CYP3A4: variants seen among roughly 807,000 people sequenced by gnomAD.
CYP3A4 encodes the protein cytochrome P450 3A4.
Under a neutral mutation model 54.9 loss-of-function variants are expected in CYP3A4, and 41 were observed. That is an observed-to-expected ratio of 0.75 (90% CI 0.58 to 0.97). CYP3A4 has a LOEUF of 0.97. Ranked by LOEUF, CYP3A4 falls within the 50% of genes least tolerant of loss-of-function variation. The probability of loss-of-function intolerance (pLI) is 0.00; values close to 1 mark genes in which losing one functional copy is unlikely to be tolerated. For missense variants in CYP3A4, 510 were observed against 597.3 expected (o/e 0.85, Z 1.52); for synonymous variants, 179 against 205.2 (o/e 0.87, Z 1.09).
intron 9 of CYP3A4, among the ~76,000 whole-genome samples, chr7:99,765,198 G>T (rs1815443633): frequency 6.6e-6 from 1 of 152,114 alleles, no homozygotes; most frequent in African/African-American, 2.4e-5. Context: ...CAATATGGTA[G>T]CCACTACCCA....
At chr7:99,768,185 A>G (rs550066305) in intron 7 of CYP3A4, among the ~76,000 whole-genome samples, 169 bp downstream of exon 7, 18 of 152,328 alleles carry the variant, frequency 1.2e-4, no homozygotes, top group South Asian at 8.3e-4. Flanking sequence ...TAGATTGACA[A>G]AAAAAGTTTT....
At chr7:99,776,791 T>G (rs1681361055) in intron 3 of CYP3A4, among the ~76,000 whole-genome samples, 1 of 152,154 alleles carries the variant, frequency 6.6e-6, no homozygotes, top group Admixed American at 6.6e-5. Flanking sequence ...TGTATACCTA[T>G]GTAACAAAAC....
intron 1 of CYP3A4, among the ~76,000 whole-genome samples, chr7:99,783,525 C>A (rs1815979111): frequency 6.6e-6 from 1 of 151,726 alleles, no homozygotes; most frequent in African/African-American, 2.4e-5. Context: ...CTTATTTATT[C>A]CTTTATAGAG....
At chr7:99,763,572 T>C (rs532729232) in intron 10 of CYP3A4, among the ~76,000 whole-genome samples, 1 of 152,318 alleles carries the variant, frequency 6.6e-6, no homozygotes, top group East Asian at 1.9e-4. Flanking sequence ...CAAATGCTTA[T>C]TGTTAGATGC....
chr7:99,768,524 A>G (rs984179452), intron 6 of CYP3A4, 22 bp from the exon 7 acceptor site: 26 of 1,613,172 alleles, frequency 1.6e-5, no homozygotes, highest in Non-Finnish European at 2.0e-5. Flanking sequence ...AAGATGTGGA[A>G]AATTAAAATC....
Position 99,766,366 on chromosome 7 carries a change from A to C in CYP3A4, c.865+11T>G. 6.2e-7 allele frequency: 1 copy of C among 1,613,266 alleles called. No individual in the cohort carries two copies. The highest frequency in any genetic ancestry group is 8.5e-7 in the Non-Finnish European group (1 of 1,179,538). On this transcript the variant is annotated intron_variant, in intron 9 of 12. Transcript: ENST00000651514. ...TGCCCCACAAGTAGCCCTCAGAAAC[A>C]CTCTGGTTACCTTTGTGGGACTCAG...
chr7:99,762,062 G>A lies in CYP3A4; in HGVS notation c.1232C>T (p.Pro411Leu), dbSNP rs72552797. 4 of 1,614,074 alleles carry A rather than the reference G, an allele frequency of 2.5e-6. No homozygotes were observed. Among genetic ancestry groups the A allele is most frequent in the Non-Finnish European group, 3.4e-6 (4 of 1,179,988 alleles). Residue 411 changes from proline to leucine, a missense_variant, in exon 11 of 13, where the codon CCT (proline) becomes CTT (leucine). Pro to Leu is a moderately conservative substitution (Grantham distance 98). This residue lies in a region of CYP3A4 where 238 missense variants were observed against 322.5 expected (regional missense o/e 0.74). Coordinates refer to ENST00000651514, the MANE Select transcript of CYP3A4 (RefSeq NM_017460.6). ...GTACCTTTCAGGGAGGAACTTCTCA[G>A]GCTCTGTCCAGTACTTTGGGTCACG... ...LHRDPKYWTE[P>L]EKFLPERFSK... is the part of the protein sequence containing the mutation.
In CYP3A4 at chr7:99,772,594, C is replaced by T. The variant is rs774082727; in HGVS notation, c.314G>A (p.Arg105Gln). The change falls in exon 4 of 13, where the codon CGG (arginine) becomes CAG (glutamine). Residue 105 changes from arginine to glutamine, a missense_variant. Physicochemically the swap from Arg to Gln is conservative, Grantham distance 43 (BLOSUM62 1). Coordinates refer to ENST00000651514, the MANE Select transcript of CYP3A4 (RefSeq NM_017460.6). Reference sequence around the variant, plus strand: ...TTTCAACACATGAATGCTTACCCTCCGGTTTGTGAAGACAGAATAACATTC... The same window carrying T: ...TTTCAACACATGAATGCTTACCCTCTGGTTTGTGAAGACAGAATAACATTC... ...VKECYSVFTN[R>Q]RPFGPVGFMK... 3.9e-5 allele frequency: 63 copies of T among 1,612,178 alleles called. No homozygotes were observed. Among genetic ancestry groups the T allele is most frequent in the Admixed American group, 5.0e-5 (3 of 59,950 alleles).
chr7:99,782,054 G>A (rs531665100), intron 1 of CYP3A4, among the ~76,000 whole-genome samples: 6 of 152,346 alleles, frequency 3.9e-5, no homozygotes, highest in South Asian at 2.1e-4. Flanking sequence ...TAGTGGAAGC[G>A]TGTGCACCAT....
At chr7:99,772,528 T>C in intron 4 of CYP3A4, 62 bp downstream of exon 4, 1 of 1,596,238 alleles carries the variant, frequency 6.3e-7, no homozygotes, top group East Asian at 2.3e-5. Context: ...TATGAATATA[T>C]AAGAATTTCA....
At position 99,766,377 on chromosome 7, in the gene CYP3A4, C is replaced by CT; in HGVS notation, c.864dup (p.Ala289SerfsTer20). The CT allele has an allele frequency of 6.2e-7, 1 of 1,613,624 alleles. No homozygotes were observed. Among genetic ancestry groups the CT allele is most frequent in the Non-Finnish European group, 8.5e-7 (1 of 1,179,676 alleles). On this transcript the variant is annotated frameshift_variant and splice_region_variant, in exon 9 of 13. Coordinates refer to ENST00000651514, the MANE Select transcript of CYP3A4 (RefSeq NM_017460.6). LOFTEE classifies it high-confidence loss of function. ...TAGCCCTCAGAAACACTCTGGTTACCTTTGTGGGACTCAGTTTCTTTTGAA... is the reference window on the plus strand; with the variant it reads ...TAGCCCTCAGAAACACTCTGGTTACCTTTTGTGGGACTCAGTTTCTTTTGAA...
intron 4 of CYP3A4, 116 bp downstream of exon 4, chr7:99,772,474 G>T: frequency 7.9e-7 from 1 of 1,267,430 alleles, no homozygotes. Context: ...GGGACAGGAT[G>T]AAGTGGACGT....
intron 12 of CYP3A4, 66 bp from the exon 13 acceptor site, chr7:99,758,294 AG>A: frequency 6.5e-7 from 1 of 1,547,660 alleles, no homozygotes; most frequent in Non-Finnish European, 8.9e-7. Flanking sequence ...ATAGCATCAA[AG>A]TGAGTGAGAC....
In CYP3A4 at chr7:99,758,211, G is replaced by C. The variant is rs1236102392; in HGVS notation, c.1434C>G (p.Ser478Arg). 1 of 1,613,742 alleles carries C rather than the reference G, an allele frequency of 6.2e-7. No homozygotes were observed. Among genetic ancestry groups the C allele is most frequent in the Non-Finnish European group, 8.5e-7 (1 of 1,179,882 alleles). ...CKETQIPLKL[S>R]LGGLLQPEKP... ...TTTCTGGTTGAAGAAGTCCTCCTAA[G>C]CTTAATTTCAGGGGGATCTGCAACA... Residue 478 changes from serine (S) to arginine (R), a missense_variant, in exon 13 of 13, where the codon AGC becomes AGG. Around this residue, in one of 2 missense-constraint regions of CYP3A4, gnomAD observed 238 missense variants for 322.5 expected, o/e 0.74. Coordinates refer to ENST00000651514, the MANE Select transcript of CYP3A4 (RefSeq NM_017460.6).
At chr7:99,783,825 T>A (rs1815989417) in intron 1 of CYP3A4, among the ~76,000 whole-genome samples, 186 bp downstream of exon 1, 2 of 152,160 alleles carry the variant, frequency 1.3e-5, no homozygotes, top group African/African-American at 4.8e-5. Flanking sequence ...GCCAGGCTGG[T>A]CTTGAACTCC....
intron 9 of CYP3A4, among the ~76,000 whole-genome samples, chr7:99,765,737 C>T (rs1419492831): frequency 1.3e-5 from 2 of 152,128 alleles, no homozygotes; most frequent in Non-Finnish European, 2.9e-5. Context: ...AAAAAACATA[C>T]ATGGGTTGTA....
chr7:99,761,728 G>T (rs1012376446), intron 11 of CYP3A4, among the ~76,000 whole-genome samples: 2 of 151,942 alleles, frequency 1.3e-5, no homozygotes, highest in African/African-American at 4.8e-5. Context: ...TTCATTTGGG[G>T]GACATAATAA....
chr7:99,782,235 A>G (rs1031481161), intron 1 of CYP3A4, among the ~76,000 whole-genome samples: 6 of 152,236 alleles, frequency 3.9e-5, no homozygotes, highest in African/African-American at 1.4e-4. Context: ...TTGGTCCCCA[A>G]GGAATGATCT....
intron 12 of CYP3A4, among the ~76,000 whole-genome samples, chr7:99,759,928 G>A (rs1815274657): frequency 2.0e-5 from 3 of 151,968 alleles, no homozygotes; most frequent in Non-Finnish European, 4.4e-5. Context: ...TCCGCTCCCT[G>A]GGGTTCATGC....
Sources: gnomAD v4.1 joint callset for allele counts (sites outside exome capture counted in the v4.1 genomes callset) on GRCh38, gnomAD v4.1.1 for gene constraint, gnomAD v4.1.1 regional missense constraint, MANE v1.5 for transcripts, NCBI Gene and HGNC (gene_info 2026-07-23, HGNC 2026-07-21) for gene names.